Variants in WDR27 observed in about 807,000 individuals in gnomAD.
WDR27 encodes the protein WD repeat domain 27, also known as WD repeat-containing protein 27.
In WDR27, 100 loss-of-function variants were observed where a neutral mutation model predicts 114.4. The ratio of observed to expected loss-of-function variants is 0.87; its 90% CI spans 0.74 to 1.03. The LOEUF is 1.03. WDR27 is among the 50% of genes least tolerant of loss of function. The pLI is 0.00. For missense variants in WDR27, 1,129 were observed against 1,092.9 expected (o/e 1.03, Z -0.47); for synonymous variants, 449 against 423.1 (o/e 1.06, Z -0.75).
intron 23 of WDR27, among the ~76,000 whole-genome samples, chr6:169,593,657 G>A (rs1167393550): frequency 6.6e-6 from 1 of 152,106 alleles, no homozygotes; most frequent in African/African-American, 2.4e-5. Context: ...AGACCAGCCT[G>A]GCCAACATAG....
intron 23 of WDR27, among the ~76,000 whole-genome samples, chr6:169,586,814 A>C (rs958494262): frequency 8.3e-6 from 1 of 120,128 alleles, no homozygotes; most frequent in African/African-American, 3.2e-5. Flanking sequence ...GCACTACTGC[A>C]CTCCAGCCTG....
intron 1 of WDR27, among the ~76,000 whole-genome samples, chr6:169,690,588 T>G (rs1353601919): frequency 1.3e-5 from 2 of 151,986 alleles, no homozygotes; most frequent in Non-Finnish European, 2.9e-5. Flanking sequence ...TCACACAATC[T>G]AAACTATTTT....
intron 25 of WDR27, among the ~76,000 whole-genome samples, chr6:169,511,687 C>T (rs1273838554): frequency 1.3e-5 from 2 of 151,728 alleles, no homozygotes; most frequent in African/African-American, 4.9e-5. Flanking sequence ...TACTATTTGG[C>T]CTTTTACAAA....
chr6:169,502,597 AC>A (rs1374755459), intron 25 of WDR27, among the ~76,000 whole-genome samples: 1 of 151,864 alleles, frequency 6.6e-6, no homozygotes, highest in Non-Finnish European at 1.5e-5. Context: ...TTCCCGGCCG[AC>A]CCCGATCCGG....
intron 23 of WDR27, 132 bp from the exon 24 acceptor site, chr6:169,583,066 G>A: frequency 1.4e-6 from 1 of 690,552 alleles, no homozygotes. Flanking sequence ...CAAGATGCCT[G>A]ACAAAACATC....
intron 9 of WDR27, among the ~76,000 whole-genome samples, chr6:169,661,013 G>C (rs1383660500): frequency 1.3e-5 from 2 of 152,044 alleles, no homozygotes; most frequent in African/African-American, 4.8e-5. Context: ...GTGGGCGTTG[G>C]GCCCCACGTG....
At chr6:169,436,387 G>C in the WDR27 span, among the ~76,000 whole-genome samples, 1 of 152,068 alleles carries the variant, frequency 6.6e-6, no homozygotes, top group East Asian at 1.9e-4. Flanking sequence ...AATAATTTTT[G>C]TTGATGTAAC....
At chr6:169,683,547 C>A (rs1406444588) in intron 2 of WDR27, among the ~76,000 whole-genome samples, 1 of 151,778 alleles carries the variant, frequency 6.6e-6, no homozygotes, top group Non-Finnish European at 1.5e-5. Flanking sequence ...AAAAACAAGG[C>A]AATAAATAAA....
chr6:169,676,880 T>G (rs1342168031), intron 2 of WDR27, among the ~76,000 whole-genome samples: 1 of 152,218 alleles, frequency 6.6e-6, no homozygotes, highest in African/African-American at 2.4e-5. Flanking sequence ...AAATCCAAGC[T>G]GTAGCCTGAC....
At chr6:169,624,568 G>A (rs1005618027) in intron 21 of WDR27, among the ~76,000 whole-genome samples, 26 of 152,152 alleles carry the variant, frequency 1.7e-4, no homozygotes, top group African/African-American at 4.8e-4. Context: ...GACCTAAATC[G>A]AAAACAGCCA....
chr6:169,577,805 G>A (rs1170374673), intron 24 of WDR27, among the ~76,000 whole-genome samples: 1 of 152,132 alleles, frequency 6.6e-6, no homozygotes, highest in Non-Finnish European at 1.5e-5. Flanking sequence ...GCCGGTTTGC[G>A]CTGGGACACT....
chr6:169,612,337 G>A (rs747235482), intron 22 of WDR27, among the ~76,000 whole-genome samples: 74 of 152,102 alleles, frequency 4.9e-4, no homozygotes, highest in Admixed American at 2.6e-3. Flanking sequence ...GGAGAATGGC[G>A]TGAAGCCAGG....
chr6:169,659,703 C>G lies in WDR27; in HGVS notation c.1130-185G>C, dbSNP rs1429701344. 6.6e-6 allele frequency among the ~76,000 whole-genome samples: 1 copy of G among 151,998 alleles called. No individual in the cohort carries two copies. Among genetic ancestry groups the G allele is most frequent in the Non-Finnish European group, 1.5e-5 (1 of 67,976 alleles). ...TACAAGGCCCCAGGCCACACACACACCAGCGCACACACCACACACACACCA... is the reference window on the plus strand; with the variant it reads ...TACAAGGCCCCAGGCCACACACACAGCAGCGCACACACCACACACACACCA... On this transcript the variant is annotated intron_variant, in intron 10 of 25. Transcript: ENST00000448612. This position sits in a 1 kb window ranked among gnomAD's most constrained non-coding sequence, Gnocchi z 4.3.
intron 25 of WDR27, among the ~76,000 whole-genome samples, chr6:169,532,101 A>C (rs1030045347): frequency 6.6e-6 from 1 of 152,162 alleles, no homozygotes; most frequent in Admixed American, 6.5e-5. Flanking sequence ...TATACTTATC[A>C]TTGTACATTT....
At chr6:169,431,999 A>C in the WDR27 span, among the ~76,000 whole-genome samples, 320 of 152,290 alleles carry the variant, frequency 2.1e-3, no homozygotes, top group African/African-American at 7.1e-3. Flanking sequence ...TCCACTTCCT[A>C]CACGTCCTCT....
At chr6:169,655,474 C>T (rs1310682559) in intron 13 of WDR27, among the ~76,000 whole-genome samples, 3 of 152,312 alleles carry the variant, frequency 2.0e-5, no homozygotes, top group Non-Finnish European at 4.4e-5. Context: ...CGCAGTATAT[C>T]CAGACAACAG....
At chr6:169,541,604 T>C (rs931424597) in intron 25 of WDR27, among the ~76,000 whole-genome samples, 1 of 152,208 alleles carries the variant, frequency 6.6e-6, no homozygotes, top group African/African-American at 2.4e-5. Flanking sequence ...ACGAACTCTT[T>C]TTGAGAGATC....
intron 3 of WDR27, chr6:169,671,638 G>A (rs1778773577): frequency 6.6e-6 from 1 of 152,312 alleles, no homozygotes; most frequent in Non-Finnish European, 1.5e-5. Flanking sequence ...ACTCTTCCCA[G>A]GGCCTTGGCA....
rs898904008 is a variant in WDR27, at chr6:169,644,805, C to A, written c.1658-1019G>T. ...CGGGCGGATCACGAGGTCAGGAGATCGAGACCATCCCGGCTAAAACGGTGA... is the reference window on the plus strand; with the variant it reads ...CGGGCGGATCACGAGGTCAGGAGATAGAGACCATCCCGGCTAAAACGGTGA... On this transcript the variant is annotated intron_variant, in intron 16 of 25. Coordinates refer to ENST00000448612, the MANE Select transcript of WDR27 (RefSeq NM_182552.5). Among the ~76,000 whole-genome samples the A allele has an allele frequency of 2.9e-5, 2 of 69,472 alleles. 1 individual carries two copies. The highest frequency in any genetic ancestry group is 5.2e-5 in the Non-Finnish European group (2 of 38,770). The allele number at this position is 69,472 out of a possible 152,430, so 45.6% of individuals were successfully genotyped here.
Sources: allele counts gnomAD v4.1 joint callset (sites outside exome capture counted in the v4.1 genomes callset), GRCh38; gene constraint gnomAD v4.1.1; non-coding constraint Gnocchi (gnomAD v3.1); transcripts MANE v1.5; gene names NCBI Gene and HGNC (gene_info 2026-07-23, HGNC 2026-07-21).